EFNA5: variants seen among roughly 807,000 people sequenced by gnomAD.
The protein encoded by EFNA5 is ephrin A5.
EFNA5 carries 5 observed loss-of-function variants against 22.9 expected under a neutral mutation model. That is an observed-to-expected ratio of 0.22 (90% CI 0.11 to 0.46). The LOEUF (loss-of-function observed/expected upper bound fraction) is 0.46. EFNA5 is among the 20% of genes least tolerant of loss of function. The pLI is 0.99. For synonymous variants in EFNA5, 113 were observed against 112.2 expected, an observed-to-expected ratio of 1.01 and a Z score of -0.04; for missense variants, 237 against 293.3, an observed-to-expected ratio of 0.81 and a Z score of 1.40.
At chr5:107,523,410 A>AT (rs578005288) in intron 1 of EFNA5, among the ~76,000 whole-genome samples, 418 of 152,324 alleles carry the variant, frequency 2.7e-3, no homozygotes, top group Middle Eastern at 0.01. Context: ...GCAAGCAGAC[A>AT]TACCACTTGC....
intron 1 of EFNA5, among the ~76,000 whole-genome samples, chr5:107,559,573 T>C (rs1054808098): frequency 6.6e-6 from 1 of 152,222 alleles, no homozygotes; most frequent in Non-Finnish European, 1.5e-5. Flanking sequence ...AAGACCCAAC[T>C]ACATCTGTTT....
At chr5:107,551,574 C>G (rs541877019) in intron 1 of EFNA5, among the ~76,000 whole-genome samples, 2 of 152,222 alleles carry the variant, frequency 1.3e-5, no homozygotes, top group South Asian at 4.1e-4. Context: ...TAGAGACCCA[C>G]GTGCCTGGAG....
At chr5:107,516,194 G>GTGTGTA (rs1747475692) in intron 1 of EFNA5, among the ~76,000 whole-genome samples, 1 of 151,596 alleles carries the variant, frequency 6.6e-6, no homozygotes, top group South Asian at 2.1e-4. Context: ...GTGTGTGTGT[G>GTGTGTA]TGTGTGTGTG....
At chr5:107,487,890 G>A (rs1441216094) in intron 1 of EFNA5, among the ~76,000 whole-genome samples, 1 of 152,304 alleles carries the variant, frequency 6.6e-6, no homozygotes, top group Non-Finnish European at 1.5e-5. Context: ...CTCCCTATGC[G>A]ATGAGGCTGG....
chr5:107,601,313 G>C (rs1386701784), intron 1 of EFNA5, among the ~76,000 whole-genome samples: 1 of 152,242 alleles, frequency 6.6e-6, no homozygotes, highest in Non-Finnish European at 1.5e-5. Flanking sequence ...AGGGCTGACA[G>C]TGGGGACATT....
Position 107,436,058 on chromosome 5 carries a change from T to C in EFNA5, c.126-8549A>G, listed in dbSNP as rs371271910. On this transcript the variant is annotated intron_variant, in intron 1 of 4. Transcript: ENST00000333274. ...AAAATCCCACAATACTAATTACTCA[T>C]ATCAGATAGATAGATAAAATTCACA... is the stretch of plus-strand genomic sequence containing the variant. Among the ~76,000 whole-genome samples the C allele has an allele frequency of 1.9e-4, 29 of 152,370 alleles. No individual in the cohort carries two copies. The South Asian group carries it at 5.8e-3, about 30-fold the overall frequency.
At chr5:107,557,989 T>C (rs920285252) in intron 1 of EFNA5, among the ~76,000 whole-genome samples, 4 of 152,098 alleles carry the variant, frequency 2.6e-5, no homozygotes, top group Admixed American at 2.0e-4. Flanking sequence ...CCCCACGGTA[T>C]AGGTGGGAGG....
At chr5:107,494,902 G>C (rs974800816) in intron 1 of EFNA5, among the ~76,000 whole-genome samples, 1 of 152,136 alleles carries the variant, frequency 6.6e-6, no homozygotes, top group Non-Finnish European at 1.5e-5. Flanking sequence ...TAGCTACTCT[G>C]GTGGGGCCTT....
intron 1 of EFNA5, among the ~76,000 whole-genome samples, chr5:107,576,031 G>T (rs1348719579): frequency 2.6e-5 from 4 of 152,176 alleles, no homozygotes; most frequent in Admixed American, 2.6e-4. Context: ...AACTTAAATG[G>T]TTGTATTAAA....
chr5:107,644,630 G>T (rs914638951), intron 1 of EFNA5, among the ~76,000 whole-genome samples: 1 of 152,148 alleles, frequency 6.6e-6, no homozygotes, highest in Non-Finnish European at 1.5e-5. Context: ...CATAATAGAT[G>T]CTCAATCAAG....
chr5:107,397,083 TA>T lies in EFNA5; in HGVS notation c.419-9313del, dbSNP rs750777274. On this transcript the variant is annotated intron_variant, in intron 2 of 4. Transcript: ENST00000333274. ...ATATAAATGTTCTCACTCCACTCTT[TA>T]ATTTTTTTTTTTGTATACTATTTGG... 2.3e-5 allele frequency among the ~76,000 whole-genome samples: 3 copies of T among 132,094 alleles called. No individual in the cohort carries two copies. The South Asian group carries it at 7.9e-4, about 35-fold the overall frequency. The allele number at this position is 132,094 out of a possible 152,430, so 86.7% of individuals were successfully genotyped here.
intron 1 of EFNA5, among the ~76,000 whole-genome samples, chr5:107,583,155 A>G (rs993141770): frequency 1.3e-5 from 2 of 152,180 alleles, no homozygotes; most frequent in Non-Finnish European, 2.9e-5. Context: ...ATAACTAAAT[A>G]TTTTCTAACA....
chr5:107,631,549 C>G lies in EFNA5; in HGVS notation c.125+38940G>C, dbSNP rs564106884. On this transcript the variant is annotated intron_variant, in intron 1 of 4. Coordinates refer to ENST00000333274, the MANE Select transcript of EFNA5 (RefSeq NM_001962.3). Reference sequence around the variant, plus strand: ...GTTTTATATGAAAATACAAGAACAACTCTTCCCATAAAACACTGATGGATA... The same window carrying G: ...GTTTTATATGAAAATACAAGAACAAGTCTTCCCATAAAACACTGATGGATA... Among the ~76,000 whole-genome samples the G allele has an allele frequency of 2.6e-5, 4 of 152,122 alleles. No homozygotes were observed. In the East Asian group the frequency reaches 7.7e-4, roughly 29 times the overall value.
chr5:107,494,547 A>G (rs574145663), intron 1 of EFNA5, among the ~76,000 whole-genome samples: 1 of 152,196 alleles, frequency 6.6e-6, no homozygotes, highest in Non-Finnish European at 1.5e-5. Flanking sequence ...CATGGCACCC[A>G]GTCCCATCGA....
chr5:107,618,219 A>T (rs903480533), intron 1 of EFNA5, among the ~76,000 whole-genome samples: 1 of 152,204 alleles, frequency 6.6e-6, no homozygotes, highest in Non-Finnish European at 1.5e-5. Flanking sequence ...AAGGCCAAAG[A>T]AGAAATATTT....
chr5:107,568,069 A>G (rs969837851), intron 1 of EFNA5, among the ~76,000 whole-genome samples: 2 of 151,442 alleles, frequency 1.3e-5, no homozygotes, highest in Admixed American at 1.3e-4. Flanking sequence ...GCTCGTTTTA[A>G]TTTTTTTTGT....
intron 1 of EFNA5, among the ~76,000 whole-genome samples, chr5:107,559,119 C>T (rs1748480549): frequency 6.6e-6 from 1 of 152,120 alleles, no homozygotes; most frequent in African/African-American, 2.4e-5. Context: ...TGGTGAATGG[C>T]CAGGACTAGG....
chr5:107,476,057 T>TATATATGTATGTATATATA, intron 1 of EFNA5, among the ~76,000 whole-genome samples: 1 of 100,436 alleles, frequency 1.0e-5, no homozygotes, highest in African/African-American at 5.0e-5. Context: ...TATATATATA[T>TATATATGTATGTATATATA]TTTTTTTTTT....
intron 2 of EFNA5, among the ~76,000 whole-genome samples, chr5:107,399,180 G>A (rs1202518082): frequency 6.6e-6 from 1 of 151,974 alleles, no homozygotes; most frequent in Admixed American, 6.6e-5. Context: ...GGCCAGGCGT[G>A]GTGGCTCACG....
Sources: allele counts gnomAD v4.1 joint callset (sites outside exome capture counted in the v4.1 genomes callset), GRCh38; gene constraint gnomAD v4.1.1; transcripts MANE v1.5; gene names NCBI Gene and HGNC (gene_info 2026-07-23, HGNC 2026-07-21).